The following PLSCR5 variants were observed in gnomAD, a reference collection of about 807,000 sequenced individuals.
PLSCR5 encodes phospholipid scramblase family, member 5.
A neutral mutation model predicts 33.6 loss-of-function variants in PLSCR5; 44 were observed. The ratio of observed to expected loss-of-function variants is 1.31; its 90% CI spans 1.03 to 1.69. The LOEUF (loss-of-function observed/expected upper bound fraction) is 1.69, where lower values mean the gene tolerates loss of function less well. PLSCR5 is among the 40% of genes most tolerant of loss of function. The probability of loss-of-function intolerance (pLI) is 0.00; values close to 1 mark genes in which losing one functional copy is unlikely to be tolerated. For synonymous variants in PLSCR5, 148 were observed against 112.3 expected, an observed-to-expected ratio of 1.32 and a Z score of -2.01; for missense variants, 375 against 318.7, an observed-to-expected ratio of 1.18 and a Z score of -1.34.
intron 6 of PLSCR5, among the ~76,000 whole-genome samples, chr3:146,587,720 T>C (rs2044677110): frequency 6.6e-6 from 1 of 151,882 alleles, no homozygotes; most frequent in Admixed American, 6.6e-5. Context: ...GAGTTGAGAG[T>C]AAGTGACAAC....
At position 146,594,147 on chromosome 3, in the gene PLSCR5, GA is replaced by G; in HGVS notation, c.233-8del. The G allele has an allele frequency of 6.4e-7, 1 of 1,569,990 alleles. No homozygotes were observed. The highest frequency in any genetic ancestry group is 1.1e-5 in the South Asian group (1 of 87,372). On this transcript the variant is annotated splice_region_variant and splice_polypyrimidine_tract_variant and intron_variant, in intron 3 of 7. Coordinates refer to ENST00000443512, the MANE Select transcript of PLSCR5 (RefSeq NM_001085420.2). Reference sequence around the variant, plus strand: ...GTCTCAGTACCAAGTATCACTAATGGAACAAAAAAAAAATTATAAAAACATT... The same window carrying G: ...GTCTCAGTACCAAGTATCACTAATGGACAAAAAAAAAATTATAAAAACATT...
chr3:146,589,838 T>C, intron 5 of PLSCR5, 24 bp from the exon 6 acceptor site: 4 of 1,456,984 alleles, frequency 2.7e-6, no homozygotes, highest in Non-Finnish European at 3.7e-6. Context: ...ATAAGGAGTA[T>C]TAAATTTGAC....
chr3:146,589,400 G>A lies in PLSCR5; in HGVS notation c.777+253C>T, dbSNP rs575931011. On this transcript the variant is annotated intron_variant, in intron 6 of 7. Transcript: ENST00000443512. ...AAGCAAGGGGAAACTAGGTTTTAAA[G>A]AAATGATGAATAGGATGTGATAACA... Among the ~76,000 whole-genome samples the A allele has an allele frequency of 2.0e-5, 3 of 152,206 alleles. No individual in the cohort carries two copies. The South Asian group carries it at 6.2e-4, about 32-fold the overall frequency.
chr3:146,590,567 C>G (rs941068581), intron 5 of PLSCR5, among the ~76,000 whole-genome samples: 6 of 151,986 alleles, frequency 3.9e-5, no homozygotes, highest in Admixed American at 2.6e-4. Flanking sequence ...GAAAGTAATT[C>G]AAGAGAAACT....
At chr3:146,591,608 C>A in intron 5 of PLSCR5, 112 bp downstream of exon 5, 1 of 1,195,174 alleles carries the variant, frequency 8.4e-7, no homozygotes, top group Non-Finnish European at 1.2e-6. Flanking sequence ...ACAAATATGT[C>A]ATTTTCTGAA....
At chr3:146,595,508 G>A (rs2044753433) in intron 2 of PLSCR5, among the ~76,000 whole-genome samples, 1 of 152,114 alleles carries the variant, frequency 6.6e-6, no homozygotes, top group African/African-American at 2.4e-5. Flanking sequence ...ACACAGGAGA[G>A]AGGTGGAGGT....
At chr3:146,600,772 A>G (rs1479278051) in intron 1 of PLSCR5, among the ~76,000 whole-genome samples, 1 of 149,844 alleles carries the variant, frequency 6.7e-6, no homozygotes, top group Non-Finnish European at 1.5e-5. Flanking sequence ...GCATATATAT[A>G]CTTACTGCAT....
rs138198397 is a variant in PLSCR5 at position 146,586,069 on chromosome 3, G to A, written c.*5C>T. On this transcript the variant is annotated 3_prime_UTR_variant, in exon 7 of 8. Coordinates refer to ENST00000443512, the MANE Select transcript of PLSCR5 (RefSeq NM_001085420.2). ...CATATTTTATTGTTTTCATTATCTT[G>A]GTTATTATAATCCAGCCAGTGAATG... The A allele has an allele frequency of 1.0e-3, 1,549 of 1,480,144 alleles. 19 individuals are homozygous for A. The African/African-American group carries it at 0.021, about 20-fold the overall frequency. The allele number at this position is 1,480,144 out of a possible 1,614,324, so 91.7% of individuals were successfully genotyped here.
At chr3:146,596,931 G>GA (rs1356727958) in intron 2 of PLSCR5, among the ~76,000 whole-genome samples, 1 of 151,686 alleles carries the variant, frequency 6.6e-6, no homozygotes, top group East Asian at 1.9e-4. Context: ...GCTTTTATTA[G>GA]AAAAAAAATA....
chr3:146,593,897 G>A, intron 4 of PLSCR5, 23 bp downstream of exon 4: 1 of 1,593,756 alleles, frequency 6.3e-7, no homozygotes, highest in Non-Finnish European at 8.6e-7. Context: ...AATCAAAAAG[G>A]ACAACCAGAG....
chr3:146,589,541 A>G, intron 6 of PLSCR5, 112 bp downstream of exon 6: 1 of 1,074,968 alleles, frequency 9.3e-7, no homozygotes, highest in Non-Finnish European at 1.2e-6. Context: ...CCTTCTATGA[A>G]TAAAATATAC....
At chr3:146,603,408 T>A (rs1291764907) in intron 1 of PLSCR5, among the ~76,000 whole-genome samples, 1 of 152,142 alleles carries the variant, frequency 6.6e-6, no homozygotes, top group East Asian at 1.9e-4. Flanking sequence ...TCCTAGGTAG[T>A]ATGAAGTCTC....
intron 2 of PLSCR5, among the ~76,000 whole-genome samples, chr3:146,597,295 A>C (rs1030483232): frequency 3.3e-5 from 5 of 152,166 alleles, no homozygotes; most frequent in African/African-American, 1.2e-4. Context: ...TAATCCTCAC[A>C]AAAACTCAGA....
chr3:146,600,917 G>A (rs1031250875), intron 1 of PLSCR5, among the ~76,000 whole-genome samples: 21 of 147,230 alleles, frequency 1.4e-4, no homozygotes, highest in African/African-American at 4.9e-4. Flanking sequence ...CATACAAATC[G>A]ATGTTACTTG....
chr3:146,585,287 T>C (rs1402829810), downstream of PLSCR5, among the ~76,000 whole-genome samples: 2 of 152,102 alleles, frequency 1.3e-5, no homozygotes, highest in Non-Finnish European at 2.9e-5. Flanking sequence ...CCTTAATTGA[T>C]TGAATTTTCA....
Position 146,589,713 on chromosome 3 carries a change from A to G in PLSCR5, c.717T>C (p.His239=), listed in dbSNP as rs1297247303. The stretch of plus-strand genomic sequence containing the variant: ...CTGTTACATCTAGATCTGCAGGAAC[A>G]TGAATTCCGAAATTGTCAGCATTTG... ...VFTNADNFGI[H]VPADLDVTVK... The change falls in exon 6 of 8, where the codon CAT becomes CAC. Residue 239 remains histidine (H), a synonymous_variant. Transcript: ENST00000443512. The G allele has an allele frequency of 6.2e-7, 1 of 1,605,706 alleles. No individual in the cohort carries two copies. Among genetic ancestry groups the G allele is most frequent in the Non-Finnish European group, 8.5e-7 (1 of 1,173,684 alleles).
chr3:146,603,067 T>A (rs1207699837), intron 1 of PLSCR5, among the ~76,000 whole-genome samples: 1 of 152,120 alleles, frequency 6.6e-6, no homozygotes, highest in East Asian at 1.9e-4. Context: ...TAAATTGTGT[T>A]AATTTCTACT....
intron 2 of PLSCR5, among the ~76,000 whole-genome samples, chr3:146,599,555 T>G (rs2044792665): frequency 6.6e-6 from 1 of 151,772 alleles, no homozygotes; most frequent in Non-Finnish European, 1.5e-5. Flanking sequence ...GTTGCAGAAC[T>G]TTTGGGTAAG....
intron 2 of PLSCR5, among the ~76,000 whole-genome samples, chr3:146,599,041 A>G (rs2044787454): frequency 6.6e-6 from 1 of 152,242 alleles, no homozygotes; most frequent in African/African-American, 2.4e-5. Context: ...ATGCCAAACA[A>G]GCTGAAAATT....
Sources: gnomAD v4.1 joint callset for allele counts (sites outside exome capture counted in the v4.1 genomes callset) on GRCh38, gnomAD v4.1.1 for gene constraint, MANE v1.5 for transcripts, NCBI Gene and HGNC (gene_info 2026-07-23, HGNC 2026-07-21) for gene names.